SLC8A1: variants seen among roughly 807,000 people sequenced by gnomAD.
SLC8A1 encodes sodium/calcium exchanger 1.
In SLC8A1, 18 loss-of-function variants were observed where a neutral mutation model predicts 68.3. The observed-to-expected ratio is 0.26, with a 90% CI of 0.18 to 0.39. The LOEUF (loss-of-function observed/expected upper bound fraction) is 0.39, where lower values mean the gene tolerates loss of function less well. Ranked by LOEUF, SLC8A1 falls within the 10% of genes least tolerant of loss-of-function variation. The pLI is 1.00. For synonymous variants in SLC8A1, 475 were observed against 415.5 expected (o/e 1.14, Z -1.74); for missense variants, 985 against 1,156.7 (o/e 0.85, Z 2.15).
chr2:40,249,977 C>A (rs138887720), intron 2 of SLC8A1, among the ~76,000 whole-genome samples: 66 of 152,252 alleles, frequency 4.3e-4, no homozygotes, highest in African/African-American at 1.5e-3. Context: ...ATCTATTGGT[C>A]TAGGTCTATA....
At chr2:40,309,832 C>T (rs2073360254) in intron 2 of SLC8A1, among the ~76,000 whole-genome samples, 1 of 152,082 alleles carries the variant, frequency 6.6e-6, no homozygotes, top group African/African-American at 2.4e-5. Context: ...ATATAATTTA[C>T]ATATAATAAA....
chr2:40,262,108 A>G (rs1254509125), intron 2 of SLC8A1, among the ~76,000 whole-genome samples: 1 of 151,954 alleles, frequency 6.6e-6, no homozygotes, highest in Non-Finnish European at 1.5e-5. Flanking sequence ...GACTACAGGC[A>G]CGCGCCATCA....
chr2:40,278,731 T>G (rs533920560), intron 2 of SLC8A1, among the ~76,000 whole-genome samples: 27 of 152,272 alleles, frequency 1.8e-4, no homozygotes, highest in Middle Eastern at 3.4e-3. Flanking sequence ...TGGCACTTCA[T>G]CTCGCTTTTC....
intron 2 of SLC8A1, among the ~76,000 whole-genome samples, chr2:40,399,851 C>T (rs1576124195): frequency 6.6e-6 from 1 of 152,188 alleles, no homozygotes; most frequent in East Asian, 1.9e-4. Context: ...ATTCCTGCCT[C>T]CAAAGAAAGA....
At chr2:40,228,540 T>C (rs2148882594) in intron 2 of SLC8A1, among the ~76,000 whole-genome samples, 1 of 152,310 alleles carries the variant, frequency 6.6e-6, no homozygotes, top group East Asian at 1.9e-4. Flanking sequence ...AAAGCCCTGC[T>C]GTGGGACCTG....
intron 4 of SLC8A1, among the ~76,000 whole-genome samples, chr2:40,173,041 T>G (rs948793858): frequency 6.6e-6 from 1 of 152,070 alleles, no homozygotes; most frequent in African/African-American, 2.4e-5. Context: ...TAGCCACAAG[T>G]TTTTAGTTAG....
intron 2 of SLC8A1, among the ~76,000 whole-genome samples, chr2:40,212,489 T>G (rs2056789912): frequency 6.6e-6 from 1 of 152,230 alleles, no homozygotes; most frequent in African/African-American, 2.4e-5. Context: ...TTCGCCATGT[T>G]GGCCAGGATG....
chr2:40,408,178 G>C (rs1690982670), intron 2 of SLC8A1, among the ~76,000 whole-genome samples: 1 of 152,082 alleles, frequency 6.6e-6, no homozygotes, highest in Non-Finnish European at 1.5e-5. Flanking sequence ...AATGTAGTTT[G>C]GGGCATCAAA....
chr2:40,384,424 C>A (rs1559472924), intron 2 of SLC8A1, among the ~76,000 whole-genome samples: 2 of 151,936 alleles, frequency 1.3e-5, no homozygotes, highest in Admixed American at 6.6e-5. Context: ...CAGAACAGAA[C>A]CTTGCATCAT....
intron 2 of SLC8A1, among the ~76,000 whole-genome samples, chr2:40,405,780 GTCC>G (rs1690146588): frequency 1.3e-5 from 2 of 151,898 alleles, no homozygotes; most frequent in Admixed American, 6.6e-5. Flanking sequence ...TTCTTCCCTT[GTCC>G]TCCTATTCCG....
At chr2:40,502,564 C>T (rs1434267621) in intron 1 of SLC8A1, among the ~76,000 whole-genome samples, 1 of 152,088 alleles carries the variant, frequency 6.6e-6, no homozygotes, top group Admixed American at 6.6e-5. Context: ...TTGGTTCTTA[C>T]AATAAGAATA....
intron 2 of SLC8A1, among the ~76,000 whole-genome samples, chr2:40,193,864 A>C (rs1216540022): frequency 6.6e-6 from 1 of 152,130 alleles, no homozygotes; most frequent in Non-Finnish European, 1.5e-5. Context: ...AGCATACTTT[A>C]AAGAAGTGTC....
chr2:40,426,110 C>A (rs1160557483), intron 2 of SLC8A1, among the ~76,000 whole-genome samples: 1 of 151,922 alleles, frequency 6.6e-6, no homozygotes, highest in African/African-American at 2.4e-5. Flanking sequence ...AGTAATACAA[C>A]TCTACGAAGT....
intron 6 of SLC8A1, among the ~76,000 whole-genome samples, chr2:40,149,823 A>T (rs2043084992): frequency 6.6e-6 from 1 of 152,150 alleles, no homozygotes; most frequent in Admixed American, 6.5e-5. Context: ...GAAAGCTTCA[A>T]TCTTTGCTTT....
intron 1 of SLC8A1, among the ~76,000 whole-genome samples, chr2:40,433,194 C>T (rs1317410366): frequency 1.3e-5 from 2 of 152,116 alleles, no homozygotes; most frequent in East Asian, 3.9e-4. Flanking sequence ...ATTGGTTTCC[C>T]ACTTCCCTGA....
At chr2:40,391,088 C>T (rs933017941) in intron 2 of SLC8A1, among the ~76,000 whole-genome samples, 4 of 151,442 alleles carry the variant, frequency 2.6e-5, no homozygotes, top group Non-Finnish European at 4.4e-5. Flanking sequence ...AAATATTGCT[C>T]TTAAAGTATG....
At chr2:40,468,792 T>C (rs866704933) in intron 1 of SLC8A1, among the ~76,000 whole-genome samples, 3 of 152,188 alleles carry the variant, frequency 2.0e-5, no homozygotes, top group Middle Eastern at 3.4e-3. Context: ...AAGCCTTTCC[T>C]GGGCTGGGTG....
At chr2:40,143,495 C>T (rs1407329888) in intron 6 of SLC8A1, among the ~76,000 whole-genome samples, 1 of 152,170 alleles carries the variant, frequency 6.6e-6, no homozygotes, top group African/African-American at 2.4e-5. Context: ...AAGTAAATTC[C>T]TCTTATCTCA....
chr2:40,384,037 G>C (rs61049057), intron 2 of SLC8A1, among the ~76,000 whole-genome samples: 2,962 of 152,078 alleles, frequency 0.019, 92 homozygotes, highest in African/African-American at 0.066. Flanking sequence ...GAAATGGGAA[G>C]ATTGCTTGAG....
Sources: allele counts gnomAD v4.1 joint callset (sites outside exome capture counted in the v4.1 genomes callset), GRCh38; gene constraint gnomAD v4.1.1; transcripts MANE v1.5; gene names NCBI Gene and HGNC (gene_info 2026-07-23, HGNC 2026-07-21).